The following SEMA3E variants were observed in gnomAD, a reference collection of about 807,000 sequenced individuals.
SEMA3E encodes the protein semaphorin 3E.
In SEMA3E, 49 loss-of-function variants were observed where a neutral mutation model predicts 93.6. That is an observed-to-expected ratio of 0.52 (90% CI 0.42 to 0.66). The LOEUF (loss-of-function observed/expected upper bound fraction) is 0.66. Among genes scored for constraint, SEMA3E ranks in the 30% least tolerant of loss-of-function variants. The pLI, the probability that SEMA3E is intolerant of heterozygous loss-of-function variation, is 0.00. For missense variants in SEMA3E, 906 were observed against 964.8 expected (o/e 0.94, Z 0.81); for synonymous variants, 363 against 330.7 (o/e 1.10, Z -1.06).
intron 14 of SEMA3E, among the ~76,000 whole-genome samples, chr7:83,388,969 T>A (rs1348077386): frequency 6.6e-6 from 1 of 151,968 alleles, no homozygotes; most frequent in Admixed American, 6.6e-5. Flanking sequence ...TCCAATCAAT[T>A]TTTGGGATTA....
chr7:83,449,595 A>G lies in SEMA3E; in HGVS notation c.456+16887T>C, dbSNP rs371764090. ...CCAGGTATTCTTGAATCAAAAGCTTATATCATTAATCTCTACTCCCTCACA... is the reference window on the plus strand; with the variant it reads ...CCAGGTATTCTTGAATCAAAAGCTTGTATCATTAATCTCTACTCCCTCACA... On this transcript the variant is annotated intron_variant, in intron 4 of 16. Coordinates refer to ENST00000643230, the MANE Select transcript of SEMA3E (RefSeq NM_012431.3). 1.1e-3 allele frequency among the ~76,000 whole-genome samples: 173 copies of G among 152,272 alleles called. 2 individuals are homozygous for G. Among genetic ancestry groups the G allele is most frequent in the African/African-American group, 4.0e-3 (166 of 41,554 alleles).
intron 1 of SEMA3E, among the ~76,000 whole-genome samples, chr7:83,546,384 T>G (rs1366705052): frequency 2.1e-5 from 3 of 141,896 alleles, no homozygotes; most frequent in East Asian, 2.1e-4. Flanking sequence ...GAGGGGAATA[T>G]AGTGAATGTG....
At chr7:83,394,707 T>A (rs1490237809) in intron 12 of SEMA3E, among the ~76,000 whole-genome samples, 1 of 152,174 alleles carries the variant, frequency 6.6e-6, no homozygotes, top group Non-Finnish European at 1.5e-5. Flanking sequence ...ATGAAACCAT[T>A]GTGTCTTTCA....
At chr7:83,489,684 C>T (rs1227545939) in intron 2 of SEMA3E, among the ~76,000 whole-genome samples, 1 of 152,036 alleles carries the variant, frequency 6.6e-6, no homozygotes, top group Admixed American at 6.6e-5. Context: ...AAGGAGCATC[C>T]ACCTGAAGTA....
rs1475586458 is a variant in SEMA3E, at chr7:83,464,882, C to T, written c.456+1600G>A. ...CATACCACCCCCCAAAAATTTTCGC[C>T]GCCCCAACACTTCAACACTATTTTA... On this transcript the variant is annotated intron_variant, in intron 4 of 16. Transcript: ENST00000643230. Among the ~76,000 whole-genome samples the T allele has an allele frequency of 4.7e-5, 7 of 150,496 alleles. No homozygotes were observed. In the South Asian group the frequency reaches 6.4e-4, roughly 14 times the overall value.
chr7:83,582,229 AAAAT>A (rs1465634281), intron 1 of SEMA3E, among the ~76,000 whole-genome samples: 3 of 150,654 alleles, frequency 2.0e-5, no homozygotes, highest in Non-Finnish European at 4.4e-5. Flanking sequence ...CATCTAAATA[AAAAT>A]AAATAGTAAT....
chr7:83,484,177 T>C (rs1790205743), intron 2 of SEMA3E, among the ~76,000 whole-genome samples: 1 of 152,190 alleles, frequency 6.6e-6, no homozygotes, highest in Admixed American at 6.5e-5. Flanking sequence ...GTGGCTTTTT[T>C]ACTCTAAACC....
intron 9 of SEMA3E, 69 bp downstream of exon 9, chr7:83,405,381 C>T (rs1788307419): frequency 1.8e-6 from 2 of 1,112,386 alleles, no homozygotes; most frequent in Non-Finnish European, 2.8e-6. Context: ...TTATATACAC[C>T]ATGAAGGGAG....
At chr7:83,444,114 G>A (rs189808357) in intron 4 of SEMA3E, among the ~76,000 whole-genome samples, 1 of 152,254 alleles carries the variant, frequency 6.6e-6, no homozygotes, top group African/African-American at 2.4e-5. Context: ...TCATCTGATA[G>A]AGGTTGAGAT....
At position 83,431,592 on chromosome 7, in the gene SEMA3E, C is replaced by T. The variant is rs138860528; in HGVS notation, c.457-13109G>A. ...CTAGTTTTTGTACTTGCAGTAGAGA[C>T]GAGATTTTGCCATGTTGGCCTGGCT... On this transcript the variant is annotated intron_variant, in intron 4 of 16. Coordinates refer to ENST00000643230, the MANE Select transcript of SEMA3E (RefSeq NM_012431.3). Among the ~76,000 whole-genome samples, 752 of 152,066 alleles carry T rather than the reference C, an allele frequency of 4.9e-3. 7 individuals are homozygous for T. Among genetic ancestry groups the T allele is most frequent in the African/African-American group, 0.017 (703 of 41,482 alleles).
At chr7:83,460,763 G>A (rs1789598823) in intron 4 of SEMA3E, among the ~76,000 whole-genome samples, 1 of 149,946 alleles carries the variant, frequency 6.7e-6, no homozygotes, top group South Asian at 2.1e-4. Context: ...CCGTGCCCCG[G>A]CCCCTTATTT....
At chr7:83,570,329 G>A (rs1164115012) in intron 1 of SEMA3E, among the ~76,000 whole-genome samples, 9 of 151,414 alleles carry the variant, frequency 5.9e-5, no homozygotes, top group Non-Finnish European at 8.8e-5. Flanking sequence ...CGAGGCGGGC[G>A]GATCACGAGG....
chr7:83,520,592 T>A (rs1791022418), intron 1 of SEMA3E, among the ~76,000 whole-genome samples: 1 of 151,882 alleles, frequency 6.6e-6, no homozygotes. Flanking sequence ...CAGTAGAAGG[T>A]CAAAAACTGC....
chr7:83,467,123 G>A (rs559768079), intron 3 of SEMA3E, among the ~76,000 whole-genome samples: 2 of 138,688 alleles, frequency 1.4e-5, no homozygotes, highest in Admixed American at 7.5e-5. Flanking sequence ...GGAACACAGT[G>A]GTGTAATTTC....
chr7:83,548,067 T>C (rs1791686621), intron 1 of SEMA3E, among the ~76,000 whole-genome samples: 1 of 152,082 alleles, frequency 6.6e-6, no homozygotes, highest in South Asian at 2.1e-4. Context: ...AGATTTAGTC[T>C]CCTCTATTTC....
At chr7:83,637,034 G>GTA (rs1554346338) in intron 1 of SEMA3E, among the ~76,000 whole-genome samples, 2 of 149,614 alleles carry the variant, frequency 1.3e-5, no homozygotes, top group Admixed American at 1.3e-4. Flanking sequence ...GTGTGTGTGT[G>GTA]TGTGTATGTG....
chr7:83,459,231 A>G (rs1728513883), intron 4 of SEMA3E, among the ~76,000 whole-genome samples: 1 of 152,150 alleles, frequency 6.6e-6, no homozygotes, highest in African/African-American at 2.4e-5. Flanking sequence ...AAACATCAAT[A>G]GGAATAAAGC....
chr7:83,589,295 T>C (rs1026607633), intron 1 of SEMA3E, among the ~76,000 whole-genome samples: 1 of 152,048 alleles, frequency 6.6e-6, no homozygotes, highest in Non-Finnish European at 1.5e-5. Context: ...TTCTTCAGAG[T>C]GAGTTTCTTT....
At position 83,562,477 on chromosome 7, in the gene SEMA3E, T is replaced by TTTAC. The variant is rs570300706; in HGVS notation, c.116-72204_116-72203insGTAA. On this transcript the variant is annotated intron_variant, in intron 1 of 16. Transcript: ENST00000643230. ...TCTGAACTTCCTTTTTATTTATTTATTTATTTATTTATTTATTTATTTATT... is the reference window on the plus strand; with the variant it reads ...TCTGAACTTCCTTTTTATTTATTTATTTACTTATTTATTTATTTATTTATTTATT... 6.1e-4 allele frequency among the ~76,000 whole-genome samples: 89 copies of TTTAC among 146,418 alleles called. No individual in the cohort carries two copies. The South Asian group carries it at 8.4e-3, about 14-fold the overall frequency.
Sources: allele counts gnomAD v4.1 joint callset (sites outside exome capture counted in the v4.1 genomes callset), GRCh38; gene constraint gnomAD v4.1.1; transcripts MANE v1.5; gene names NCBI Gene and HGNC (gene_info 2026-07-23, HGNC 2026-07-21).